Variants in CDC5L observed in about 807,000 individuals in gnomAD.
CDC5L encodes the protein cell division cycle 5 like.
CDC5L carries 18 observed loss-of-function variants against 104.1 expected under a neutral mutation model. The ratio of observed to expected loss-of-function variants is 0.17; its 90% CI spans 0.12 to 0.26. The LOEUF is 0.26. CDC5L is among the 10% of genes least tolerant of loss of function. The pLI is 1.00. For synonymous variants in CDC5L, 331 were observed against 322.7 expected, an observed-to-expected ratio of 1.03 and a Z score of -0.28; for missense variants, 673 against 956.9, an observed-to-expected ratio of 0.70 and a Z score of 3.91.
At chr6:44,416,961 C>T (rs115144006) in intron 8 of CDC5L, among the ~76,000 whole-genome samples, 2,349 of 152,194 alleles carry the variant, frequency 0.015, 42 homozygotes, top group Admixed American at 0.052. Flanking sequence ...ATGTGAAATT[C>T]AAGATTTTTT....
chr6:44,397,272 G>A (rs1323462950), intron 5 of CDC5L, among the ~76,000 whole-genome samples: 2 of 152,188 alleles, frequency 1.3e-5, no homozygotes, highest in Non-Finnish European at 2.9e-5. Context: ...AACGGATGAA[G>A]ACCAAATACA....
Position 44,447,972 on chromosome 6 carries a change from A to T in CDC5L, c.*1261A>T, listed in dbSNP as rs1377822306. The stretch of plus-strand genomic sequence containing the variant: ...AAAGTAGGGTGATTATGAGATAGTG[A>T]ATGAGTGGCTATTTTAGACTGGACG... On this transcript the variant is annotated 3_prime_UTR_variant, in exon 16 of 16. Coordinates refer to ENST00000371477, the MANE Select transcript of CDC5L (RefSeq NM_001253.4). 6.6e-6 allele frequency: 1 copy of T among 152,142 alleles called. No individual in the cohort carries two copies. Among genetic ancestry groups the T allele is most frequent in the African/African-American group, 2.4e-5 (1 of 41,418 alleles). 9.4% of individuals were successfully genotyped at this position (152,142 alleles called of 1,614,324 possible). A position where few individuals can be genotyped will look rare whatever the true frequency, so the allele number is the denominator to read the frequency against.
At chr6:44,393,687 C>G in intron 4 of CDC5L, 114 bp downstream of exon 4, 1 of 1,077,374 alleles carries the variant, frequency 9.3e-7, no homozygotes, top group Non-Finnish European at 1.3e-6. Context: ...TTTTTTGAGA[C>G]AAGGTCTTGC....
rs1479602426 is a variant in CDC5L at position 44,426,119 on chromosome 6, A to G, written c.1586A>G (p.Glu529Gly). The change falls in exon 12 of 16, where the codon GAG (glutamate) becomes GGG (glycine). Residue 529 changes from glutamate to glycine, a missense_variant. Physicochemically the swap from Glu to Gly is moderately conservative, Grantham distance 98. Around this residue, in one of 4 missense-constraint regions of CDC5L, gnomAD observed 578 missense variants for 737.0 expected, o/e 0.78. Transcript: ENST00000371477. ...DARKQAIRDA[E>G]RVKEMKRMHK... is the part of the protein sequence containing the mutation. The stretch of plus-strand genomic sequence containing the variant: ...ATTTTTTAGGCCATACGAGATGCAG[A>G]GCGTGTAAAGGAAATGAAACGAATG... 1.2e-6 allele frequency: 2 copies of G among 1,604,606 alleles called. No homozygotes were observed. Among genetic ancestry groups the G allele is most frequent in the Non-Finnish European group, 1.7e-6 (2 of 1,174,534 alleles).
intron 2 of CDC5L, among the ~76,000 whole-genome samples, chr6:44,392,246 G>C (rs550848881): frequency 6.6e-6 from 1 of 152,276 alleles, no homozygotes; most frequent in East Asian, 1.9e-4. Context: ...AATTTAGTGA[G>C]TGTAAGTCAA....
At position 44,446,666 on chromosome 6, in the gene CDC5L, T is replaced by C. The variant is rs779508297; in HGVS notation, c.2364T>C (p.Tyr788=). 5.6e-6 allele frequency: 9 copies of C among 1,596,656 alleles called. No homozygotes were observed. In the Admixed American group the frequency reaches 6.9e-5, roughly 12 times the overall value. The change falls in exon 16 of 16, where the codon TAT becomes TAC. Residue 788 remains tyrosine (Y), a synonymous_variant. Transcript: ENST00000371477. Reference sequence around the variant, plus strand: ...GAGAAAAGGAACTTCAACATAGATATGCTGATTTGCTGCTGGAGAAAGAGA... The same window carrying C: ...GAGAAAAGGAACTTCAACATAGATACGCTGATTTGCTGCTGGAGAAAGAGA... ...QEREKELQHR[Y]ADLLLEKETL...
chr6:44,437,741 A>T (rs920987225), intron 14 of CDC5L, among the ~76,000 whole-genome samples: 2 of 152,224 alleles, frequency 1.3e-5, no homozygotes, highest in African/African-American at 4.8e-5. Flanking sequence ...GAGTATAGGT[A>T]TTATGCTGTA....
chr6:44,394,964 A>G (rs1338502045), intron 4 of CDC5L, among the ~76,000 whole-genome samples: 1 of 151,810 alleles, frequency 6.6e-6, no homozygotes, highest in Non-Finnish European at 1.5e-5. Context: ...TGTCATTTGC[A>G]GCAACATGGA....
chr6:44,393,883 C>G (rs1487773488), intron 4 of CDC5L, among the ~76,000 whole-genome samples: 1 of 152,062 alleles, frequency 6.6e-6, no homozygotes, highest in East Asian at 1.9e-4. Context: ...CCAGGCTGGT[C>G]TCAAACTCCT....
intron 8 of CDC5L, among the ~76,000 whole-genome samples, chr6:44,412,507 C>A (rs1791691925): frequency 6.6e-6 from 1 of 151,816 alleles, no homozygotes; most frequent in Non-Finnish European, 1.5e-5. Context: ...GGATTACAGG[C>A]ATGAACCACT....
intron 6 of CDC5L, 88 bp from the exon 7 acceptor site, chr6:44,406,235 G>A: frequency 2.0e-6 from 2 of 987,400 alleles, no homozygotes; most frequent in Non-Finnish European, 3.0e-6. Context: ...GAGGTTGTTT[G>A]TTCAAAGGGT....
intron 8 of CDC5L, among the ~76,000 whole-genome samples, chr6:44,410,916 TAGG>T (rs1791593886): frequency 6.6e-6 from 1 of 152,034 alleles, no homozygotes; most frequent in Admixed American, 6.5e-5. Flanking sequence ...GATTTATTTG[TAGG>T]AGGTTTTCTC....
chr6:44,388,213 C>T (rs933053295), intron 1 of CDC5L, among the ~76,000 whole-genome samples: 1 of 140,706 alleles, frequency 7.1e-6, no homozygotes. Context: ...GTTGGTCCCC[C>T]GGGGCACCAT....
chr6:44,428,788 G>T (rs1310264613), intron 13 of CDC5L, among the ~76,000 whole-genome samples: 1 of 152,092 alleles, frequency 6.6e-6, no homozygotes, highest in Non-Finnish European at 1.5e-5. Flanking sequence ...TCGTGCCCCA[G>T]TCTCATTATC....
intron 2 of CDC5L, among the ~76,000 whole-genome samples, chr6:44,391,099 GTTATATA>G (rs1393960953): frequency 7.2e-5 from 10 of 139,092 alleles, no homozygotes; most frequent in African/African-American, 2.4e-4. Context: ...CATTTAATAT[GTTATATA>G]TTATATATTA....
intron 13 of CDC5L, among the ~76,000 whole-genome samples, chr6:44,427,491 A>ACTCTCCTGTCTT (rs1792478809): frequency 6.6e-6 from 1 of 151,590 alleles, no homozygotes; most frequent in Non-Finnish European, 1.5e-5. Context: ...ATTCTTACAA[A>ACTCTCCTGTCTT]CTCTCCTGTC....
At chr6:44,412,814 G>A (rs564695250) in intron 8 of CDC5L, among the ~76,000 whole-genome samples, 1 of 113,422 alleles carries the variant, frequency 8.8e-6, no homozygotes, top group Non-Finnish European at 1.7e-5. Flanking sequence ...ACGGAGTCTC[G>A]CTCTGTCGCC....
intron 5 of CDC5L, among the ~76,000 whole-genome samples, chr6:44,400,869 C>T (rs1415259545): frequency 6.6e-6 from 1 of 152,168 alleles, no homozygotes. Context: ...CAACAATGTC[C>T]TGGGGCATAA....
intron 4 of CDC5L, among the ~76,000 whole-genome samples, chr6:44,394,060 C>G (rs1400414087): frequency 1.3e-5 from 2 of 152,132 alleles, no homozygotes; most frequent in African/African-American, 4.8e-5. Flanking sequence ...GAACAGCGCC[C>G]CTTCATCTTC....
Sources: gnomAD v4.1 joint callset for allele counts (sites outside exome capture counted in the v4.1 genomes callset) on GRCh38, gnomAD v4.1.1 for gene constraint, gnomAD v4.1.1 regional missense constraint, MANE v1.5 for transcripts, NCBI Gene and HGNC (gene_info 2026-07-23, HGNC 2026-07-21) for gene names.